BMAL2: variants seen among roughly 807,000 people sequenced by gnomAD.
BMAL2 encodes the protein basic helix-loop-helix ARNT like 2, also known as basic helix-loop-helix ARNT-like protein 2.
At chr12:27,337,654 A>C in the BMAL2 span, among the ~76,000 whole-genome samples, 1 of 152,164 alleles carries the variant, frequency 6.6e-6, no homozygotes, top group African/African-American at 2.4e-5. Flanking sequence ...TGGGAAAATC[A>C]ATATAAGCTT....
the BMAL2 span, among the ~76,000 whole-genome samples, chr12:27,350,604 G>A: frequency 6.6e-6 from 1 of 152,220 alleles, no homozygotes; most frequent in Non-Finnish European, 1.5e-5. Context: ...CATGGCTCTT[G>A]GAATAGTGAT....
the BMAL2 span, among the ~76,000 whole-genome samples, chr12:27,407,480 C>T: frequency 6.6e-6 from 1 of 152,122 alleles, no homozygotes; most frequent in East Asian, 1.9e-4. Context: ...GAACAACCTG[C>T]TCCTGAATGA....
the BMAL2 span, among the ~76,000 whole-genome samples, chr12:27,361,199 C>T: frequency 1.3e-5 from 2 of 152,160 alleles, no homozygotes. Context: ...TGAGCCTAAA[C>T]CAAGTGGCTA....
chr12:27,349,824 T>C, the BMAL2 span, among the ~76,000 whole-genome samples: 3 of 152,250 alleles, frequency 2.0e-5, no homozygotes, highest in Admixed American at 2.0e-4. Flanking sequence ...AGGGTAAATG[T>C]TGCCTAAAGT....
chr12:27,334,940 A>G, the BMAL2 span, among the ~76,000 whole-genome samples: 3 of 152,218 alleles, frequency 2.0e-5, no homozygotes, highest in Admixed American at 6.5e-5. Flanking sequence ...TGACAGAACT[A>G]GAGTTAAAAT....
the BMAL2 span, among the ~76,000 whole-genome samples, chr12:27,371,721 C>A: frequency 2.9e-5 from 3 of 103,070 alleles, no homozygotes; most frequent in Non-Finnish European, 6.0e-5. Context: ...TACATACACA[C>A]ACACACACAC....
chr12:27,369,020 G>A, the BMAL2 span, among the ~76,000 whole-genome samples: 15 of 152,338 alleles, frequency 9.8e-5, no homozygotes, highest in Admixed American at 5.2e-4. Context: ...CACGCCTGCA[G>A]TACTAGCTAC....
the BMAL2 span, among the ~76,000 whole-genome samples, chr12:27,365,046 A>G: frequency 8.8e-3 from 1,335 of 152,186 alleles, 19 homozygotes; most frequent in Middle Eastern, 0.031. Context: ...TGGATTTTCT[A>G]TGTAGTCAAT....
At chr12:27,377,926 C>T in the BMAL2 span, among the ~76,000 whole-genome samples, 1 of 151,598 alleles carries the variant, frequency 6.6e-6, no homozygotes, top group Non-Finnish European at 1.5e-5. Context: ...GCTCCCACAG[C>T]CTTCATCGGT....
At chr12:27,403,359 G>T in the BMAL2 span, 1 of 1,012,788 alleles carries the variant, frequency 9.9e-7, no homozygotes, top group South Asian at 1.4e-5. Flanking sequence ...CTTTTAAGGA[G>T]AGAACTGTGA....
At chr12:27,384,760 A>T in the BMAL2 span, among the ~76,000 whole-genome samples, 1 of 152,206 alleles carries the variant, frequency 6.6e-6, no homozygotes, top group Non-Finnish European at 1.5e-5. Flanking sequence ...TAAAAATGTT[A>T]TATGTTCTGT....
the BMAL2 span, among the ~76,000 whole-genome samples, chr12:27,387,800 C>A: frequency 2.0e-5 from 3 of 152,156 alleles, no homozygotes; most frequent in East Asian, 5.8e-4. Flanking sequence ...TTACTGAACA[C>A]CATTTCATGG....
the BMAL2 span, among the ~76,000 whole-genome samples, chr12:27,399,609 T>C: frequency 2.6e-5 from 4 of 152,258 alleles, no homozygotes; most frequent in Non-Finnish European, 4.4e-5. Context: ...TATATGACAG[T>C]TCATATCATG....
chr12:27,365,666 T>G, the BMAL2 span, among the ~76,000 whole-genome samples: 2 of 151,880 alleles, frequency 1.3e-5, no homozygotes, highest in Admixed American at 6.5e-5. Context: ...AGCATGATTT[T>G]TAATGGTATT....
the BMAL2 span, among the ~76,000 whole-genome samples, chr12:27,419,635 C>T: frequency 0.02 from 3,063 of 152,248 alleles, 106 homozygotes; most frequent in African/African-American, 0.07. Flanking sequence ...TCATATCCTC[C>T]ATGACTGACA....
At chr12:27,389,993 C>T in the BMAL2 span, 1 of 1,407,426 alleles carries the variant, frequency 7.1e-7, no homozygotes. Context: ...AAAACTGTTT[C>T]CTTTCTCAAT....
chr12:27,376,080 G>T, the BMAL2 span, among the ~76,000 whole-genome samples: 1 of 152,122 alleles, frequency 6.6e-6, no homozygotes, highest in Admixed American at 6.5e-5. Flanking sequence ...TATGTAAGTA[G>T]CACACTAATT....
At chr12:27,405,741 G>A in the BMAL2 span, among the ~76,000 whole-genome samples, 4 of 152,128 alleles carry the variant, frequency 2.6e-5, no homozygotes, top group Non-Finnish European at 5.9e-5. Context: ...GAACAAAGCT[G>A]GACAGAGAAT....
At chr12:27,391,343 C>G in the BMAL2 span, among the ~76,000 whole-genome samples, 2 of 152,214 alleles carry the variant, frequency 1.3e-5, no homozygotes, top group Non-Finnish European at 2.9e-5. Context: ...GCCTCCAGCT[C>G]TATCCACAGT....
Sources: gnomAD v4.1 joint callset for allele counts (sites outside exome capture counted in the v4.1 genomes callset) on GRCh38, gnomAD v4.1.1 for gene constraint, MANE v1.5 for transcripts, NCBI Gene and HGNC (gene_info 2026-07-23, HGNC 2026-07-21) for gene names.